Variants in NXPE2 observed in about 807,000 individuals in gnomAD.
NXPE2 encodes the protein NXPE family member 2.
A neutral mutation model predicts 34.4 loss-of-function variants in NXPE2; 34 were observed. The ratio of observed to expected loss-of-function variants is 0.99; its 90% CI spans 0.75 to 1.31. The LOEUF (loss-of-function observed/expected upper bound fraction) is 1.31, where lower values mean the gene tolerates loss of function less well. Ranked by LOEUF, NXPE2 falls within the 40% of genes most tolerant of loss-of-function variation. The pLI, the probability that NXPE2 is intolerant of heterozygous loss-of-function variation, is 0.00. For synonymous variants in NXPE2, 235 were observed against 231.3 expected (o/e 1.02, Z -0.15); for missense variants, 649 against 672.5 (o/e 0.97, Z 0.39).
chr11:114,490,370 C>G, the NXPE2 span, among the ~76,000 whole-genome samples: 1 of 151,580 alleles, frequency 6.6e-6, no homozygotes, highest in African/African-American at 2.4e-5. Flanking sequence ...TCATATGGAA[C>G]CAAAAAAGAG....
At chr11:114,632,645 T>G in the NXPE2 span, among the ~76,000 whole-genome samples, 123 of 95,676 alleles carry the variant, frequency 1.3e-3, 1 homozygote, top group African/African-American at 5.3e-3. Flanking sequence ...ATGTAAATAA[T>G]AAATGTAAAA....
chr11:114,793,360 C>T, the NXPE2 span, among the ~76,000 whole-genome samples: 7 of 151,832 alleles, frequency 4.6e-5, no homozygotes, highest in Non-Finnish European at 1.0e-4. Context: ...CAAAATTTCA[C>T]AGACTAAACA....
At chr11:114,731,879 G>C in the NXPE2 span, among the ~76,000 whole-genome samples, 1 of 152,062 alleles carries the variant, frequency 6.6e-6, no homozygotes, top group East Asian at 1.9e-4. Context: ...TACCATTGGG[G>C]GAAACTGGGT....
the NXPE2 span, among the ~76,000 whole-genome samples, chr11:114,626,060 G>A: frequency 6.6e-6 from 1 of 152,222 alleles, no homozygotes; most frequent in South Asian, 2.1e-4. Flanking sequence ...TAGCACAGCA[G>A]TCTGAGATCA....
the NXPE2 span, among the ~76,000 whole-genome samples, chr11:114,567,792 A>G: frequency 3.3e-5 from 5 of 152,136 alleles, no homozygotes; most frequent in Admixed American, 6.5e-5. Context: ...TCTTTTCAGT[A>G]TATTCTTTAA....
At chr11:114,723,455 A>G in the NXPE2 span, among the ~76,000 whole-genome samples, 1 of 152,182 alleles carries the variant, frequency 6.6e-6, no homozygotes, top group Non-Finnish European at 1.5e-5. Context: ...CATTTTGGGC[A>G]GGAAGAGGGC....
chr11:114,487,507 T>C, the NXPE2 span, among the ~76,000 whole-genome samples: 17 of 152,180 alleles, frequency 1.1e-4, no homozygotes, highest in African/African-American at 4.1e-4. Flanking sequence ...ATGCCTTTTA[T>C]TTGTTTCTCT....
At chr11:114,624,698 G>T in the NXPE2 span, among the ~76,000 whole-genome samples, 19 of 152,050 alleles carry the variant, frequency 1.2e-4, no homozygotes, top group Non-Finnish European at 2.4e-4. Flanking sequence ...TTGCCTCTAG[G>T]GTAACCACTG....
the NXPE2 span, among the ~76,000 whole-genome samples, chr11:114,767,525 T>G: frequency 1.3e-5 from 2 of 152,188 alleles, no homozygotes; most frequent in African/African-American, 4.8e-5. Flanking sequence ...AATCCTTAAT[T>G]TACAAATATG....
chr11:114,619,946 T>G, the NXPE2 span, among the ~76,000 whole-genome samples: 1 of 151,472 alleles, frequency 6.6e-6, no homozygotes, highest in Non-Finnish European at 1.5e-5. Flanking sequence ...ACCCGGTGGA[T>G]AATAAGTGTT....
At chr11:114,772,606 A>C in the NXPE2 span, among the ~76,000 whole-genome samples, 1 of 152,096 alleles carries the variant, frequency 6.6e-6, no homozygotes, top group African/African-American at 2.4e-5. Flanking sequence ...TTATTAGGAC[A>C]CTATTCAGGC....
the NXPE2 span, among the ~76,000 whole-genome samples, chr11:114,585,164 C>G: frequency 6.6e-6 from 1 of 151,822 alleles, no homozygotes; most frequent in African/African-American, 2.4e-5. Context: ...AAAAAACTCA[C>G]ACTGCCTGCC....
the NXPE2 span, among the ~76,000 whole-genome samples, chr11:114,477,310 T>C: frequency 1.3e-5 from 2 of 152,156 alleles, no homozygotes; most frequent in African/African-American, 4.8e-5. Context: ...TGACTATAGT[T>C]AATAATGTTT....
the NXPE2 span, among the ~76,000 whole-genome samples, chr11:114,732,316 A>G: frequency 6.6e-6 from 1 of 152,130 alleles, no homozygotes; most frequent in African/African-American, 2.4e-5. Flanking sequence ...TTAAAATGTA[A>G]TTGTATTTCT....
the NXPE2 span, among the ~76,000 whole-genome samples, chr11:114,765,368 G>A: frequency 6.6e-6 from 1 of 152,180 alleles, no homozygotes; most frequent in Non-Finnish European, 1.5e-5. Flanking sequence ...TTTTCCAACA[G>A]CACGTGCTCA....
chr11:114,609,367 G>A, the NXPE2 span, among the ~76,000 whole-genome samples: 27 of 151,792 alleles, frequency 1.8e-4, no homozygotes, highest in African/African-American at 4.6e-4. Context: ...GGTAACCACC[G>A]TTACCCGGTG....
the NXPE2 span, among the ~76,000 whole-genome samples, chr11:114,713,763 AG>A: frequency 6.6e-6 from 1 of 152,198 alleles, no homozygotes; most frequent in Non-Finnish European, 1.5e-5. Flanking sequence ...TTAATAAAGG[AG>A]CAGGTGAGTT....
At chr11:114,772,658 A>G in the NXPE2 span, among the ~76,000 whole-genome samples, 1 of 152,114 alleles carries the variant, frequency 6.6e-6, no homozygotes, top group African/African-American at 2.4e-5. Flanking sequence ...GGGAAACGCC[A>G]TGGACACCAA....
chr11:114,575,828 T>G, the NXPE2 span, among the ~76,000 whole-genome samples: 4 of 152,196 alleles, frequency 2.6e-5, no homozygotes, highest in Non-Finnish European at 5.9e-5. Flanking sequence ...ACCATCATTC[T>G]TCACAGAACT....
Sources: allele counts gnomAD v4.1 joint callset (sites outside exome capture counted in the v4.1 genomes callset), GRCh38; gene constraint gnomAD v4.1.1; transcripts MANE v1.5; gene names NCBI Gene and HGNC (gene_info 2026-07-23, HGNC 2026-07-21).